Variants in TNS1 observed in about 807,000 individuals in gnomAD.
The protein encoded by TNS1 is tensin-1.
In TNS1, 62 loss-of-function variants were observed where a neutral mutation model predicts 168.6. The ratio of observed to expected loss-of-function variants is 0.37; its 90% CI spans 0.30 to 0.45. TNS1 has a LOEUF of 0.45. Among genes scored for constraint, TNS1 ranks in the 20% least tolerant of loss-of-function variants. TNS1 has a pLI of 1.00. For missense variants in TNS1, 2,240 were observed against 2,339.4 expected (o/e 0.96, Z 0.88); for synonymous variants, 934 against 933.2 (o/e 1.00, Z -0.02).
intron 1 of TNS1, chr2:217,992,614 C>T (rs188843486): frequency 1.3e-5 from 2 of 152,208 alleles, no homozygotes; most frequent in East Asian, 3.9e-4. Context: ...GCCAGAGAGG[C>T]AAAGAGGCAA....
At chr2:217,805,497 A>AT (rs1938482341) in intron 32 of TNS1, among the ~76,000 whole-genome samples, 5 of 49,626 alleles carry the variant, frequency 1.0e-4, no homozygotes, top group Admixed American at 3.9e-4. Context: ...CACACACACC[A>AT]CACACACCAC....
intron 4 of TNS1, among the ~76,000 whole-genome samples, chr2:217,914,866 CCTACCAAGTT>C (rs1954825819): frequency 6.6e-6 from 1 of 152,226 alleles, no homozygotes; most frequent in African/African-American, 2.4e-5. Context: ...AGGACCTCTA[CCTACCAAGTT>C]CTACTTTGCA....
chr2:217,851,782 G>A (rs1297681980), intron 18 of TNS1, among the ~76,000 whole-genome samples: 2 of 152,210 alleles, frequency 1.3e-5, no homozygotes, highest in African/African-American at 4.8e-5. Context: ...TCCTCTCCCT[G>A]TAGGATGAGG....
chr2:217,897,730 A>G, intron 8 of TNS1, 68 bp downstream of exon 8: 6 of 1,469,340 alleles, frequency 4.1e-6, no homozygotes, highest in Non-Finnish European at 5.5e-6. Flanking sequence ...GATACCAGTC[A>G]TGTAGAGGTG....
chr2:217,965,612 T>C (rs979039698), intron 3 of TNS1, among the ~76,000 whole-genome samples: 45 of 152,118 alleles, frequency 3.0e-4, no homozygotes, highest in African/African-American at 8.2e-4. Context: ...TAAGGCATCC[T>C]GGGCCTCCCT....
At chr2:217,969,532 T>C (rs1461917566) in intron 3 of TNS1, among the ~76,000 whole-genome samples, 4 of 152,190 alleles carry the variant, frequency 2.6e-5, no homozygotes, top group African/African-American at 7.2e-5. Context: ...TTCAGATCTA[T>C]ATTTGATAAG....
chr2:217,945,336 C>G (rs1241552153), intron 3 of TNS1, among the ~76,000 whole-genome samples: 2 of 152,144 alleles, frequency 1.3e-5, no homozygotes, highest in Non-Finnish European at 2.9e-5. Flanking sequence ...CAGGGGAGTC[C>G]CTGAGAGGGG....
intron 1 of TNS1, among the ~76,000 whole-genome samples, chr2:218,018,006 T>C (rs1055101297): frequency 6.6e-6 from 1 of 152,114 alleles, no homozygotes; most frequent in African/African-American, 2.4e-5. Flanking sequence ...AACAGCTTTG[T>C]TAGGAGATCC....
At chr2:217,944,244 G>T (rs76846520) in intron 3 of TNS1, 4,328 of 152,472 alleles carry the variant, frequency 0.028, 91 homozygotes, top group Non-Finnish European at 0.037. Flanking sequence ...TGGGAAGGCC[G>T]TGTCAGGGCA....
intron 22 of TNS1, among the ~76,000 whole-genome samples, chr2:217,829,015 A>T (rs1055471711): frequency 6.6e-6 from 1 of 152,168 alleles, no homozygotes; most frequent in Non-Finnish European, 1.5e-5. Flanking sequence ...AGCTACTGGC[A>T]TCTAGCAGGT....
At chr2:217,985,209 G>C (rs1958165026) in intron 2 of TNS1, among the ~76,000 whole-genome samples, 1 of 151,838 alleles carries the variant, frequency 6.6e-6, no homozygotes, top group Non-Finnish European at 1.5e-5. Flanking sequence ...CCATCCAGTA[G>C]TGTTCAAACT....
chr2:218,014,287 G>A (rs551167991), upstream of TNS1, among the ~76,000 whole-genome samples: 28 of 152,278 alleles, frequency 1.8e-4, no homozygotes, highest in Admixed American at 3.3e-4. Context: ...GAACATCACT[G>A]CAGGCCCACC....
At chr2:217,900,800 G>A (rs771841818) in intron 6 of TNS1, among the ~76,000 whole-genome samples, 1 of 152,138 alleles carries the variant, frequency 6.6e-6, no homozygotes, top group Non-Finnish European at 1.5e-5. Context: ...CACACTGAGG[G>A]CACACTCAAC....
rs761996719 is a variant in TNS1 at position 217,804,514 on chromosome 2, G to A, written c.5465C>T (p.Ser1822Phe). Residue 1822 changes from serine to phenylalanine, a missense_variant, in exon 33 of 33, where the codon TCT becomes TTT. Coordinates refer to ENST00000682258, the MANE Select transcript of TNS1 (RefSeq NM_001387777.1). ...CTTGGAGACGAAGTTGACGATGGCAGAGGCCGGCTGGTTGGGGTCAAGCTC... is the reference window on the plus strand; with the variant it reads ...CTTGGAGACGAAGTTGACGATGGCAAAGGCCGGCTGGTTGGGGTCAAGCTC... ...FAELDPNQPA[S>F]AIVNFVSKVM... is the part of the protein sequence containing the mutation. 8 of 1,614,070 alleles carry A rather than the reference G, an allele frequency of 5.0e-6. No homozygotes were observed. The African/African-American group carries it at 8.0e-5, about 16-fold the overall frequency.
rs979622204 is a variant in TNS1, at chr2:218,010,218, T to A, written c.-23A>T. ...CATGCTGACCCCGAGAGTGGGCGCC[T>A]GGGGCGCGAGGGTCGGAAGAGGTGG... On this transcript the variant is annotated 5_prime_UTR_variant, in exon 1 of 33. Transcript: ENST00000646520. 1.5e-5 allele frequency: 6 copies of A among 398,226 alleles called. No homozygotes were observed. In the Admixed American group the frequency reaches 2.6e-4, roughly 18 times the overall value. 24.7% of individuals were successfully genotyped at this position (398,226 alleles called of 1,614,324 possible).
intron 1 of TNS1, among the ~76,000 whole-genome samples, chr2:218,027,343 G>A (rs6746015): frequency 6.6e-6 from 1 of 151,468 alleles, no homozygotes; most frequent in South Asian, 2.1e-4. Context: ...GACTCACCTC[G>A]TTCCCAGCTT....
chr2:217,905,419 A>G (rs1337615925), intron 6 of TNS1: 1 of 438,286 alleles, frequency 2.3e-6, no homozygotes, highest in Non-Finnish European at 4.6e-6. Context: ...CCCCAGGGCA[A>G]TGTGGTGGTG....
chr2:217,935,794 C>T (rs572432287), intron 3 of TNS1, among the ~76,000 whole-genome samples: 1 of 152,352 alleles, frequency 6.6e-6, no homozygotes, highest in East Asian at 1.9e-4. Flanking sequence ...ATGCCAGACC[C>T]GCTCTATTTG....
chr2:217,907,104 C>T (rs1336190307), intron 5 of TNS1, 106 bp downstream of exon 5: 8 of 666,236 alleles, frequency 1.2e-5, no homozygotes, highest in Non-Finnish European at 2.2e-5. Flanking sequence ...GAAGCATTTC[C>T]CCAACCACAT....
Sources: allele counts gnomAD v4.1 joint callset (sites outside exome capture counted in the v4.1 genomes callset), GRCh38; gene constraint gnomAD v4.1.1; transcripts MANE v1.5; gene names NCBI Gene and HGNC (gene_info 2026-07-23, HGNC 2026-07-21).